IGSF10: variants seen among roughly 807,000 people sequenced by gnomAD.
IGSF10 encodes the protein immunoglobulin superfamily member 10, also known as calvaria mechanical force protein 608.
In IGSF10, 126 loss-of-function variants were observed where a neutral mutation model predicts 128.2. The ratio of observed to expected loss-of-function variants is 0.98; its 90% CI spans 0.85 to 1.14. The LOEUF (loss-of-function observed/expected upper bound fraction) is 1.14. Ranked by LOEUF, IGSF10 falls within the 50% of genes most tolerant of loss-of-function variation. IGSF10 has a pLI of 0.00. For synonymous variants in IGSF10, 1,185 were observed against 1,146.2 expected (o/e 1.03, Z -0.68); for missense variants, 3,295 against 3,149.8 (o/e 1.05, Z -1.10).
chr3:151,474,838 C>A, the IGSF10 span, among the ~76,000 whole-genome samples: 3 of 152,272 alleles, frequency 2.0e-5, no homozygotes, highest in Admixed American at 2.0e-4. Context: ...AGAGCTTGTG[C>A]AGGGGAACTC....
At chr3:151,488,924 C>A in the IGSF10 span, among the ~76,000 whole-genome samples, 1 of 152,198 alleles carries the variant, frequency 6.6e-6, no homozygotes, top group Non-Finnish European at 1.5e-5. Flanking sequence ...ACAAAGACTT[C>A]ATGACTGACA....
chr3:151,432,861 AATT>A, downstream of IGSF10: 1 of 1,312,660 alleles, frequency 7.6e-7, no homozygotes. Flanking sequence ...CAGAAAATCA[AATT>A]TAATGCATTA....
the IGSF10 span, chr3:151,499,554 ACT>A: frequency 6.6e-6 from 1 of 151,988 alleles, no homozygotes; most frequent in Non-Finnish European, 1.5e-5. Flanking sequence ...CACTCTATAA[ACT>A]CTCTATGAAC....
the IGSF10 span, among the ~76,000 whole-genome samples, chr3:151,550,434 C>T: frequency 6.6e-6 from 1 of 152,118 alleles, no homozygotes; most frequent in Non-Finnish European, 1.5e-5. Context: ...CAAGAGCTTT[C>T]TCGGACAAGA....
chr3:151,603,891 G>A, the IGSF10 span, among the ~76,000 whole-genome samples: 1 of 152,176 alleles, frequency 6.6e-6, no homozygotes, highest in Non-Finnish European at 1.5e-5. Flanking sequence ...TCCTCCTGGG[G>A]GATGGTCAGC....
chr3:151,439,126 C>T (rs1015928713), intron 7 of IGSF10, among the ~76,000 whole-genome samples: 1 of 152,130 alleles, frequency 6.6e-6, no homozygotes, highest in Non-Finnish European at 1.5e-5. Context: ...TGAAGAGGCA[C>T]ATGCTAGAAA....
the IGSF10 span, among the ~76,000 whole-genome samples, chr3:151,595,781 AG>A: frequency 1.3e-5 from 2 of 150,184 alleles, no homozygotes; most frequent in African/African-American, 2.4e-5. Flanking sequence ...GGTGGTTACT[AG>A]GGGAAGGAGA....
the IGSF10 span, among the ~76,000 whole-genome samples, chr3:151,536,135 G>A: frequency 6.6e-6 from 1 of 152,226 alleles, no homozygotes; most frequent in East Asian, 1.9e-4. Context: ...AGGTGGTGGT[G>A]AAATGCCATG....
the IGSF10 span, among the ~76,000 whole-genome samples, chr3:151,490,011 AAAAC>A: frequency 1.2e-4 from 18 of 152,134 alleles, no homozygotes; most frequent in African/African-American, 4.3e-4. Flanking sequence ...AAACAACCAG[AAAAC>A]AAACAAAATG....
chr3:151,560,542 G>A, the IGSF10 span, among the ~76,000 whole-genome samples: 7 of 152,092 alleles, frequency 4.6e-5, no homozygotes, highest in African/African-American at 1.7e-4. Flanking sequence ...AGAAGGTAGC[G>A]ATAAGTCATT....
chr3:151,443,012 A>T lies in IGSF10; in HGVS notation c.5935T>A (p.Ser1979Thr), dbSNP rs1361346764. Reference sequence around the variant, plus strand: ...TGCTGCTGGTCGACCACAGCCTTGGATGGTAACCTCCACATTATTTGGGGT... The same window carrying T: ...TGCTGCTGGTCGACCACAGCCTTGGTTGGTAACCTCCACATTATTTGGGGT... ...PKPQIMWRLP[S>T]KAVVDQQHRV... The change falls in exon 7 of 8, where the codon TCC becomes ACC. Residue 1979 changes from serine (S) to threonine (T), a missense_variant. Physicochemically the swap from Ser to Thr is moderately conservative, Grantham distance 58. Coordinates refer to ENST00000282466, the MANE Select transcript of IGSF10 (RefSeq NM_178822.5). 2 of 1,614,114 alleles carry T rather than the reference A, an allele frequency of 1.2e-6. No individual in the cohort carries two copies. Among genetic ancestry groups the T allele is most frequent in the East Asian group, 4.5e-5 (2 of 44,880 alleles).
chr3:151,514,432 A>C, the IGSF10 span, among the ~76,000 whole-genome samples: 1 of 152,226 alleles, frequency 6.6e-6, no homozygotes, highest in Admixed American at 6.5e-5. Flanking sequence ...AAAAGTTGAA[A>C]CTGGATCCCT....
chr3:151,505,479 T>C, the IGSF10 span, among the ~76,000 whole-genome samples: 1 of 152,212 alleles, frequency 6.6e-6, no homozygotes, highest in Non-Finnish European at 1.5e-5. Context: ...AAAAAAATCA[T>C]TGACTAATAT....
chr3:151,593,646 T>C, the IGSF10 span, among the ~76,000 whole-genome samples: 2 of 151,900 alleles, frequency 1.3e-5, no homozygotes, highest in Non-Finnish European at 2.9e-5. Flanking sequence ...AAGAAAAGTA[T>C]TAGGGACCAT....
At chr3:151,530,051 C>T in the IGSF10 span, among the ~76,000 whole-genome samples, 1 of 151,722 alleles carries the variant, frequency 6.6e-6, no homozygotes, top group Non-Finnish European at 1.5e-5. Flanking sequence ...AGCACGAGAA[C>T]TTCATGAAGC....
the IGSF10 span, among the ~76,000 whole-genome samples, chr3:151,497,962 G>A: frequency 6.6e-6 from 1 of 152,178 alleles, no homozygotes; most frequent in Admixed American, 6.5e-5. Context: ...GTTCACTCAT[G>A]ATTTGGCTCT....
the IGSF10 span, among the ~76,000 whole-genome samples, chr3:151,603,490 T>A: frequency 7.9e-5 from 12 of 152,230 alleles, no homozygotes. Flanking sequence ...TTCTACCAGC[T>A]CTTCTTTCTT....
At chr3:151,538,502 G>A in the IGSF10 span, among the ~76,000 whole-genome samples, 1 of 152,062 alleles carries the variant, frequency 6.6e-6, no homozygotes, top group Admixed American at 6.6e-5. Context: ...TAAGACCACA[G>A]CCTAAGTAGA....
downstream of IGSF10, chr3:151,435,062 C>G (rs73159942): frequency 8.4e-6 from 1 of 119,082 alleles, no homozygotes; most frequent in Non-Finnish European, 1.7e-5. Context: ...TGAGAGGTTT[C>G]TTTTTTTTTT....
Sources: allele counts gnomAD v4.1 joint callset (sites outside exome capture counted in the v4.1 genomes callset), GRCh38; gene constraint gnomAD v4.1.1; transcripts MANE v1.5; gene names NCBI Gene and HGNC (gene_info 2026-07-23, HGNC 2026-07-21).